GABRB2: variants seen among roughly 807,000 people sequenced by gnomAD.
GABRB2 encodes gamma-aminobutyric acid receptor subunit beta-2.
Under a neutral mutation model 54.7 loss-of-function variants are expected in GABRB2, and 16 were observed. The ratio of observed to expected loss-of-function variants is 0.29; its 90% CI spans 0.20 to 0.44. GABRB2 has a LOEUF of 0.44. GABRB2 is among the 20% of genes least tolerant of loss of function. The pLI, the probability that GABRB2 is intolerant of heterozygous loss-of-function variation, is 1.00. For synonymous variants in GABRB2, 244 were observed against 233.8 expected, an observed-to-expected ratio of 1.04 and a Z score of -0.40; for missense variants, 355 against 644.0, an observed-to-expected ratio of 0.55 and a Z score of 4.86.
Position 161,289,390 on chromosome 5 carries a change from A to AT in GABRB2, c.*4690dup, listed in dbSNP as rs145517266. ...CGTCCTTTTTTTCCCCCATTATCTC[A>AT]TTTTTTTTTTCCTTTTTTGTTTTTC... is the stretch of plus-strand genomic sequence containing the variant. On this transcript the variant is annotated 3_prime_UTR_variant, in exon 10 of 10. Transcript: ENST00000393959. 5.7e-4 allele frequency: 81 copies of AT among 142,684 alleles called. No individual in the cohort carries two copies. Among genetic ancestry groups the AT allele is most frequent in the Non-Finnish European group, 6.5e-4 (42 of 65,090 alleles). The allele number at this position is 142,684 out of a possible 1,614,324, so 8.8% of individuals were successfully genotyped here.
At chr5:161,546,828 G>A, upstream of GABRB2, 1 of 1,285,932 alleles carries the variant, frequency 7.8e-7, no homozygotes, top group Non-Finnish European at 1.0e-6. Flanking sequence ...AATTAAAAGG[G>A]AAAAAGGAAA....
chr5:161,357,215 T>C (rs571498218), intron 5 of GABRB2, among the ~76,000 whole-genome samples: 25 of 152,234 alleles, frequency 1.6e-4, no homozygotes, highest in East Asian at 7.7e-4. Flanking sequence ...GAGGGCCTCA[T>C]TGGCAAGCTG....
At chr5:161,472,727 A>G in intron 3 of GABRB2, among the ~76,000 whole-genome samples, 1 of 151,940 alleles carries the variant, frequency 6.6e-6, no homozygotes, top group Admixed American at 6.6e-5. Flanking sequence ...AGAGGGATGT[A>G]CGGTGCTACC....
chr5:161,517,022 G>C (rs1426698090), intron 3 of GABRB2, among the ~76,000 whole-genome samples: 1 of 152,116 alleles, frequency 6.6e-6, no homozygotes, highest in Non-Finnish European at 1.5e-5. Flanking sequence ...TGTCAGAGAG[G>C]CTCCTATGCC....
chr5:161,439,141 C>T (rs563191836), intron 4 of GABRB2, among the ~76,000 whole-genome samples: 1 of 152,202 alleles, frequency 6.6e-6, no homozygotes, highest in African/African-American at 2.4e-5. Context: ...ATAAACAATC[C>T]TAAAAGCATC....
chr5:161,488,243 T>C (rs1758986498), intron 3 of GABRB2, among the ~76,000 whole-genome samples: 1 of 147,074 alleles, frequency 6.8e-6, no homozygotes, highest in African/African-American at 2.5e-5. Flanking sequence ...TTTTTTTTTT[T>C]TCCACTTCCT....
intron 4 of GABRB2, among the ~76,000 whole-genome samples, chr5:161,447,488 T>A (rs1280177051): frequency 1.3e-5 from 2 of 152,210 alleles, no homozygotes. Flanking sequence ...GGAATTAGTA[T>A]CTTTCTCTAG....
intron 6 of GABRB2, among the ~76,000 whole-genome samples, chr5:161,335,556 C>A (rs896428780): frequency 2.6e-5 from 4 of 152,016 alleles, no homozygotes; most frequent in Non-Finnish European, 4.4e-5. Context: ...GGGCAATTAC[C>A]CTTTAATAAA....
intron 5 of GABRB2, among the ~76,000 whole-genome samples, chr5:161,371,677 A>G (rs909878884): frequency 1.3e-5 from 2 of 152,158 alleles, no homozygotes; most frequent in African/African-American, 2.4e-5. Context: ...TCCTGATACT[A>G]GAACCAAGGG....
chr5:161,500,023 G>T (rs1759381844), intron 3 of GABRB2, among the ~76,000 whole-genome samples: 2 of 152,290 alleles, frequency 1.3e-5, no homozygotes, highest in South Asian at 4.1e-4. Flanking sequence ...TCCTCAGGAT[G>T]TAAGTTCCAT....
At chr5:161,448,738 A>G (rs890611183) in intron 4 of GABRB2, among the ~76,000 whole-genome samples, 2 of 152,148 alleles carry the variant, frequency 1.3e-5, no homozygotes, top group South Asian at 4.1e-4. Flanking sequence ...TTTTACTTGG[A>G]CTTGGTCGTT....
At chr5:161,350,493 G>C (rs190303624) in intron 5 of GABRB2, among the ~76,000 whole-genome samples, 2 of 152,194 alleles carry the variant, frequency 1.3e-5, no homozygotes, top group African/African-American at 4.8e-5. Flanking sequence ...CTAAAGACCT[G>C]TACACAGAAA....
At chr5:161,334,423 C>T (rs2113404270) in intron 7 of GABRB2, among the ~76,000 whole-genome samples, 1 of 152,192 alleles carries the variant, frequency 6.6e-6, no homozygotes, top group South Asian at 2.1e-4. Context: ...GGGAGGTCTT[C>T]TTAGGTAAAG....
At chr5:161,545,111 AC>A (rs1294267335) in intron 3 of GABRB2, 115 bp downstream of exon 3, 1 of 574,750 alleles carries the variant, frequency 1.7e-6, no homozygotes, top group Non-Finnish European at 3.0e-6. Flanking sequence ...CCATGCTCTC[AC>A]CCCCACCTCA....
intron 3 of GABRB2, among the ~76,000 whole-genome samples, chr5:161,476,028 A>G (rs1758581807): frequency 6.6e-6 from 1 of 152,014 alleles, no homozygotes; most frequent in African/African-American, 2.4e-5. Context: ...ACATAATCCA[A>G]TATGTAGAAA....
intron 5 of GABRB2, among the ~76,000 whole-genome samples, chr5:161,358,773 A>C (rs1754716113): frequency 6.6e-6 from 1 of 152,188 alleles, no homozygotes; most frequent in Non-Finnish European, 1.5e-5. Context: ...GTGAGAATGC[A>C]GAAAGAGGTG....
chr5:161,362,020 T>C (rs912506969), intron 5 of GABRB2, among the ~76,000 whole-genome samples: 12 of 152,154 alleles, frequency 7.9e-5, no homozygotes, highest in Non-Finnish European at 1.2e-4. Flanking sequence ...CAGCACTATT[T>C]ATTAAATAGG....
intron 9 of GABRB2, 74 bp from the exon 10 acceptor site, chr5:161,294,502 G>A (rs1364690737): frequency 1.0e-5 from 13 of 1,287,776 alleles, no homozygotes; most frequent in Non-Finnish European, 6.5e-6. Flanking sequence ...AAGGCACTAT[G>A]ATCGGCACTT....
At chr5:161,423,594 C>T (rs927554116) in intron 4 of GABRB2, among the ~76,000 whole-genome samples, 1 of 152,108 alleles carries the variant, frequency 6.6e-6, no homozygotes, top group African/African-American at 2.4e-5. Context: ...AGACAGTGAA[C>T]TTAATAGAAT....
Sources: gnomAD v4.1 joint callset for allele counts (sites outside exome capture counted in the v4.1 genomes callset) on GRCh38, gnomAD v4.1.1 for gene constraint, MANE v1.5 for transcripts, NCBI Gene and HGNC (gene_info 2026-07-23, HGNC 2026-07-21) for gene names.